Variants in TMEM131 observed in about 807,000 individuals in gnomAD.
TMEM131 encodes 2610524E03Rik.
TMEM131 carries 66 observed loss-of-function variants against 211.6 expected under a neutral mutation model. The observed-to-expected ratio is 0.31, with a 90% CI of 0.26 to 0.38. TMEM131 has a LOEUF of 0.38. Among genes scored for constraint, TMEM131 ranks in the 10% least tolerant of loss-of-function variants. The pLI, the probability that TMEM131 is intolerant of heterozygous loss-of-function variation, is 1.00. For missense variants in TMEM131, 2,036 were observed against 2,299.3 expected (o/e 0.89, Z 2.34); for synonymous variants, 844 against 841.3 (o/e 1.00, Z -0.06).
chr2:97,832,942 AC>A (rs1447621404), intron 11 of TMEM131, among the ~76,000 whole-genome samples: 2 of 152,150 alleles, frequency 1.3e-5, no homozygotes, highest in East Asian at 3.8e-4. Flanking sequence ...CTTTACCACT[AC>A]CTACAACATT....
intron 1 of TMEM131, among the ~76,000 whole-genome samples, chr2:97,945,800 A>T (rs965309794): frequency 1.3e-5 from 2 of 152,216 alleles, no homozygotes; most frequent in Non-Finnish European, 2.9e-5. Context: ...TTGAAAAAAG[A>T]AAACCACTAC....
At position 97,802,496 on chromosome 2, in the gene TMEM131, G is replaced by A. The variant is rs376680657; in HGVS notation, c.2583C>T (p.Val861=). The change falls in exon 24 of 41, where the codon GTC becomes GTT. Residue 861 remains valine (V), a synonymous_variant. Transcript: ENST00000186436. The stretch of plus-strand genomic sequence containing the variant: ...AAGCCAGAGGAATAAACTGAACATA[G>A]ACAGGAACATCTGCAGGATTTTCTA... The part of the protein sequence containing the change: ...ITLENPADVP[V]YVQFIPLALY... 44 of 1,612,216 alleles carry A rather than the reference G, an allele frequency of 2.7e-5. No individual in the cohort carries two copies. In the African/African-American group the frequency reaches 5.5e-4, roughly 20 times the overall value.
intron 7 of TMEM131, among the ~76,000 whole-genome samples, chr2:97,841,527 CTCT>C (rs1370666630): frequency 1.3e-5 from 2 of 152,144 alleles, no homozygotes; most frequent in Non-Finnish European, 2.9e-5. Flanking sequence ...TAGCTAAAAA[CTCT>C]TCTTTAAATG....
At chr2:97,972,661 A>T (rs1177843033) in intron 1 of TMEM131, among the ~76,000 whole-genome samples, 2 of 152,202 alleles carry the variant, frequency 1.3e-5, no homozygotes, top group African/African-American at 4.8e-5. Context: ...AAGGGGAATT[A>T]AGCTCCCAGA....
intron 5 of TMEM131, among the ~76,000 whole-genome samples, chr2:97,856,241 C>T (rs572281349): frequency 6.6e-6 from 1 of 151,634 alleles, no homozygotes; most frequent in African/African-American, 2.4e-5. Context: ...AGATGAATGG[C>T]CTAAATGCAG....
intron 1 of TMEM131, among the ~76,000 whole-genome samples, chr2:97,977,079 C>T (rs1285674158): frequency 6.6e-6 from 1 of 150,936 alleles, no homozygotes; most frequent in Non-Finnish European, 1.5e-5. Flanking sequence ...GAAAAGAATA[C>T]AGGAGAAAAT....
intron 11 of TMEM131, among the ~76,000 whole-genome samples, chr2:97,825,449 T>A (rs926664735): frequency 6.6e-6 from 1 of 152,096 alleles, no homozygotes; most frequent in Non-Finnish European, 1.5e-5. Flanking sequence ...GACAAAACAG[T>A]TACGGGGGTT....
chr2:97,868,367 T>C (rs35776557), intron 4 of TMEM131, among the ~76,000 whole-genome samples: 52,504 of 152,036 alleles, frequency 0.35, 9,984 homozygotes, highest in Middle Eastern at 0.49. Context: ...CACACACATA[T>C]ATGTAGGTTT....
At chr2:97,793,323 T>A in intron 30 of TMEM131, 72 bp downstream of exon 30, 1 of 1,470,624 alleles carries the variant, frequency 6.8e-7, no homozygotes. Flanking sequence ...GAAAAGAAAC[T>A]TATTTTTTAT....
chr2:97,961,135 C>CT (rs1423281143), intron 1 of TMEM131, among the ~76,000 whole-genome samples: 50 of 145,458 alleles, frequency 3.4e-4, no homozygotes, highest in African/African-American at 1.1e-3. Context: ...TAAACACTAT[C>CT]TAAAAAAAAA....
At chr2:97,839,999 A>G (rs1683122397) in intron 7 of TMEM131, among the ~76,000 whole-genome samples, 1 of 152,236 alleles carries the variant, frequency 6.6e-6, no homozygotes. Context: ...TATAATCAAC[A>G]AACGATATAC....
At chr2:97,833,830 G>GT (rs1311529054) in intron 10 of TMEM131, among the ~76,000 whole-genome samples, 1 of 151,654 alleles carries the variant, frequency 6.6e-6, no homozygotes, top group African/African-American at 2.4e-5. Flanking sequence ...GCAGACTTTT[G>GT]TATTATTTTT....
intron 1 of TMEM131, among the ~76,000 whole-genome samples, chr2:97,958,812 G>A (rs974945330): frequency 6.6e-6 from 1 of 152,242 alleles, no homozygotes; most frequent in African/African-American, 2.4e-5. Flanking sequence ...CCAACAGAGG[G>A]ACGAAACTGA....
intron 3 of TMEM131, among the ~76,000 whole-genome samples, chr2:97,907,503 C>T (rs1299166361): frequency 6.6e-6 from 1 of 152,094 alleles, no homozygotes; most frequent in Admixed American, 6.6e-5. Context: ...CATAGATGTA[C>T]TTTAAACATG....
chr2:97,890,418 A>C (rs1573516540), intron 3 of TMEM131, among the ~76,000 whole-genome samples: 1 of 152,176 alleles, frequency 6.6e-6, no homozygotes, highest in South Asian at 2.1e-4. Flanking sequence ...GTGCTGATGG[A>C]TTGATTTTGA....
chr2:97,823,674 G>C (rs1682234577), intron 11 of TMEM131, among the ~76,000 whole-genome samples: 1 of 152,180 alleles, frequency 6.6e-6, no homozygotes, highest in Non-Finnish European at 1.5e-5. Context: ...CTGCTGACCT[G>C]TGTTCTGGAA....
intron 1 of TMEM131, among the ~76,000 whole-genome samples, chr2:97,970,387 A>C (rs911456546): frequency 6.6e-6 from 1 of 152,166 alleles, no homozygotes; most frequent in Non-Finnish European, 1.5e-5. Flanking sequence ...AACAGTACAG[A>C]GAGAGGAGAC....
intron 11 of TMEM131, among the ~76,000 whole-genome samples, chr2:97,820,116 A>G (rs539836355): frequency 6.6e-6 from 1 of 152,338 alleles, no homozygotes; most frequent in South Asian, 2.1e-4. Flanking sequence ...GGCCCTAAGG[A>G]TGGTTCTGTG....
intron 8 of TMEM131, 111 bp from the exon 9 acceptor site, chr2:97,835,036 T>C (rs1409679452): frequency 1.8e-6 from 2 of 1,115,028 alleles, no homozygotes; most frequent in Non-Finnish European, 2.5e-6. Context: ...TATATACCTA[T>C]TAATAAAAAA....
Sources: allele counts gnomAD v4.1 joint callset (sites outside exome capture counted in the v4.1 genomes callset), GRCh38; gene constraint gnomAD v4.1.1; transcripts MANE v1.5; gene names NCBI Gene and HGNC (gene_info 2026-07-23, HGNC 2026-07-21).